SPON1: variants seen among roughly 807,000 people sequenced by gnomAD.
SPON1 encodes spondin-1.
SPON1 carries 52 observed loss-of-function variants against 111.7 expected under a neutral mutation model. That is an observed-to-expected ratio of 0.47 (90% CI 0.37 to 0.59). The LOEUF (loss-of-function observed/expected upper bound fraction) is 0.59. Ranked by LOEUF, SPON1 falls within the 20% of genes least tolerant of loss-of-function variation. The pLI is 0.00. For missense variants in SPON1, 957 were observed against 1,068.5 expected (o/e 0.90, Z 1.46); for synonymous variants, 410 against 395.8 (o/e 1.04, Z -0.43).
chr11:14,109,501 A>G (rs1256891884), intron 5 of SPON1, among the ~76,000 whole-genome samples: 1 of 152,172 alleles, frequency 6.6e-6, no homozygotes, highest in Non-Finnish European at 1.5e-5. Context: ...GGTTCTTGCA[A>G]TTTTTTAATT....
intron 6 of SPON1, among the ~76,000 whole-genome samples, chr11:14,219,990 G>A (rs2133906197): frequency 6.6e-6 from 1 of 152,126 alleles, no homozygotes. Context: ...AGGAGGCTGA[G>A]GTGGGAGGAT....
At chr11:13,990,262 G>A (rs1346005855) in intron 2 of SPON1, among the ~76,000 whole-genome samples, 2 of 151,328 alleles carry the variant, frequency 1.3e-5, no homozygotes, top group Non-Finnish European at 2.9e-5. Flanking sequence ...AGGATAGTTA[G>A]CTCTTCTTGC....
At chr11:14,150,318 G>T (rs1198620756) in intron 6 of SPON1, among the ~76,000 whole-genome samples, 9 of 151,840 alleles carry the variant, frequency 5.9e-5, no homozygotes, top group Non-Finnish European at 1.3e-4. Flanking sequence ...TGGAGACTGG[G>T]AGTCAGGGGA....
intron 1 of SPON1, among the ~76,000 whole-genome samples, chr11:13,969,688 A>G (rs532445005): frequency 1.5e-4 from 23 of 152,348 alleles, no homozygotes; most frequent in African/African-American, 5.3e-4. Flanking sequence ...CAAACATCAC[A>G]TAAGTCAAAA....
chr11:14,048,328 G>A (rs2133817108), intron 3 of SPON1, among the ~76,000 whole-genome samples: 1 of 152,294 alleles, frequency 6.6e-6, no homozygotes, highest in African/African-American at 2.4e-5. Context: ...GTGCTGCAGA[G>A]CCCTCACTTG....
At position 14,255,665 on chromosome 11, in the gene SPON1, A is replaced by G. The variant is rs1849098386; in HGVS notation, c.1111A>G (p.Ile371Val). The G allele has an allele frequency of 1.9e-6, 3 of 1,613,862 alleles. No homozygotes were observed. The South Asian group carries it at 3.3e-5, about 18-fold the overall frequency. The change falls in exon 9 of 16, where the codon ATT becomes GTT. Residue 371 changes from isoleucine to valine, a missense_variant. By Grantham distance (29) the Ile-to-Val change is conservative. Around this residue, in one of 5 missense-constraint regions of SPON1, gnomAD observed 549 missense variants for 606.2 expected, o/e 0.91. Transcript: ENST00000576479. ...CTTGCAGTCACCCAACAAACCCACC[A>G]TTCCCCAGGAGAAAATCCGGCCCCT... is the stretch of plus-strand genomic sequence containing the variant. The part of the protein sequence containing the change: ...VTYESPNKPT[I>V]PQEKIRPLTS...
At chr11:14,077,309 G>A (rs1848925352) in intron 4 of SPON1, among the ~76,000 whole-genome samples, 2 of 152,084 alleles carry the variant, frequency 1.3e-5, no homozygotes, top group South Asian at 4.1e-4. Context: ...CAGATGAAAA[G>A]CAAAGGCAAA....
In SPON1 at chr11:14,041,591, G is replaced by A; in HGVS notation, c.416G>A (p.Arg139Lys). The A allele has an allele frequency of 6.2e-7, 1 of 1,613,954 alleles. No homozygotes were observed. The highest frequency in any genetic ancestry group is 8.5e-7 in the Non-Finnish European group (1 of 1,179,878). Residue 139 changes from arginine (R) to lysine (K), a missense_variant, in exon 3 of 16, where the codon AGG (arginine) becomes AAG (lysine). By Grantham distance (26) the Arg-to-Lys change is conservative. Around this residue, in one of 5 missense-constraint regions of SPON1, gnomAD observed 262 missense variants for 253.9 expected, o/e 1.03. Coordinates refer to ENST00000576479, the MANE Select transcript of SPON1 (RefSeq NM_006108.4). ...GCAGTCACTGAAAGCACTCCACGGAGGAGGACCCGGATCCAGGTGTTTTGG... is the reference window on the plus strand; with the variant it reads ...GCAGTCACTGAAAGCACTCCACGGAAGAGGACCCGGATCCAGGTGTTTTGG... Reference protein sequence around the residue: ...PVAVTESTPRRRTRIQVFWIA... With the variant: ...PVAVTESTPRKRTRIQVFWIA...
intron 6 of SPON1, among the ~76,000 whole-genome samples, chr11:14,227,459 A>G (rs929643002): frequency 3.5e-4 from 53 of 152,190 alleles, no homozygotes; most frequent in Non-Finnish European, 7.3e-5. Context: ...CTGGCTTTTA[A>G]GCAAATTTAA....
chr11:14,190,755 C>T (rs1340590672), intron 6 of SPON1, among the ~76,000 whole-genome samples: 1 of 151,570 alleles, frequency 6.6e-6, no homozygotes, highest in Admixed American at 6.6e-5. Flanking sequence ...ATTCTCCTGC[C>T]TCAGTGCCCC....
intron 6 of SPON1, among the ~76,000 whole-genome samples, chr11:14,230,077 A>G (rs1026906531): frequency 6.6e-6 from 1 of 151,804 alleles, no homozygotes; most frequent in Non-Finnish European, 1.5e-5. Context: ...CCAAACCTCA[A>G]ATATGTGGGG....
intron 6 of SPON1, among the ~76,000 whole-genome samples, chr11:14,215,906 G>T (rs56768660): frequency 0.088 from 13,397 of 152,152 alleles, 677 homozygotes; most frequent in East Asian, 0.18. Flanking sequence ...AATGAGAATT[G>T]CAGACAAACA....
At chr11:14,102,852 A>G (rs1158439781) in intron 5 of SPON1, among the ~76,000 whole-genome samples, 1 of 151,892 alleles carries the variant, frequency 6.6e-6, no homozygotes, top group Non-Finnish European at 1.5e-5. Context: ...CTTTTTCTCT[A>G]TTTCTTGTTC....
intron 3 of SPON1, among the ~76,000 whole-genome samples, chr11:14,070,290 G>T (rs1206532808): frequency 1.3e-5 from 2 of 152,130 alleles, no homozygotes; most frequent in East Asian, 3.9e-4. Context: ...CAGTAATAAG[G>T]ATTTTACTGG....
intron 6 of SPON1, among the ~76,000 whole-genome samples, chr11:14,137,320 G>C (rs1847604176): frequency 6.6e-6 from 1 of 152,128 alleles, no homozygotes; most frequent in Non-Finnish European, 1.5e-5. Flanking sequence ...TTCCTAATCA[G>C]CATGGCTGTG....
At chr11:13,982,059 CAATT>C in intron 1 of SPON1, among the ~76,000 whole-genome samples, 1 of 152,260 alleles carries the variant, frequency 6.6e-6, no homozygotes, top group Middle Eastern at 3.4e-3. Flanking sequence ...CAAAAATAAA[CAATT>C]CATAAGTTTT....
intron 5 of SPON1, among the ~76,000 whole-genome samples, chr11:14,116,158 A>C (rs1175418352): frequency 6.6e-6 from 1 of 152,106 alleles, no homozygotes; most frequent in Non-Finnish European, 1.5e-5. Context: ...TGTCAATTAT[A>C]TGTATTGCAG....
At chr11:14,248,084 A>G (rs959629864) in intron 7 of SPON1, among the ~76,000 whole-genome samples, 11 of 152,300 alleles carry the variant, frequency 7.2e-5, no homozygotes, top group Middle Eastern at 6.8e-3. Flanking sequence ...AGCCAGGGGA[A>G]GAAAGTGTTT....
At chr11:13,974,627 A>G (rs1426602822) in intron 1 of SPON1, among the ~76,000 whole-genome samples, 1 of 152,208 alleles carries the variant, frequency 6.6e-6, no homozygotes, top group Non-Finnish European at 1.5e-5. Flanking sequence ...AGTGTGAAAT[A>G]TCAGTCTTCA....
Sources: gnomAD v4.1 joint callset for allele counts (sites outside exome capture counted in the v4.1 genomes callset) on GRCh38, gnomAD v4.1.1 for gene constraint, gnomAD v4.1.1 regional missense constraint, MANE v1.5 for transcripts, NCBI Gene and HGNC (gene_info 2026-07-23, HGNC 2026-07-21) for gene names.